Variants in CDH12 observed in about 807,000 individuals in gnomAD.
CDH12 encodes cadherin 12, also known as cadherin-12.
Under a neutral mutation model 74.1 loss-of-function variants are expected in CDH12, and 41 were observed. That is an observed-to-expected ratio of 0.55 (90% confidence interval 0.43 to 0.72). The LOEUF (loss-of-function observed/expected upper bound fraction) is 0.72, where lower values mean the gene tolerates loss of function less well. CDH12 is among the 30% of genes least tolerant of loss of function. The pLI, the probability that CDH12 is intolerant of heterozygous loss-of-function variation, is 0.00. For missense variants in CDH12, 945 were observed against 977.2 expected, an observed-to-expected ratio of 0.97 and a Z score of 0.44; for synonymous variants, 399 against 355.0, an observed-to-expected ratio of 1.12 and a Z score of -1.39.
intron 5 of CDH12, among the ~76,000 whole-genome samples, chr5:22,060,501 A>G (rs1165770980): frequency 6.6e-6 from 1 of 152,152 alleles, no homozygotes; most frequent in Non-Finnish European, 1.5e-5. Flanking sequence ...AATTAATTAA[A>G]TAAAAACAAT....
At chr5:22,069,855 C>G (rs2150215311) in intron 5 of CDH12, among the ~76,000 whole-genome samples, 1 of 152,242 alleles carries the variant, frequency 6.6e-6, no homozygotes, top group South Asian at 2.1e-4. Context: ...TACAACAAAC[C>G]AATCTAGGCA....
intron 6 of CDH12, among the ~76,000 whole-genome samples, chr5:21,933,805 T>A (rs1026515762): frequency 1.3e-5 from 2 of 151,774 alleles, no homozygotes; most frequent in African/African-American, 4.8e-5. Context: ...AAAGAGGAGG[T>A]GGAGGAGAAG....
intron 6 of CDH12, among the ~76,000 whole-genome samples, chr5:21,909,056 C>A (rs1753757549): frequency 2.0e-5 from 3 of 151,948 alleles, no homozygotes; most frequent in Admixed American, 6.6e-5. Context: ...ACAAATAAAC[C>A]AAACAAAAAC....
chr5:21,868,760 G>A (rs1277388692), intron 6 of CDH12, among the ~76,000 whole-genome samples: 2 of 152,108 alleles, frequency 1.3e-5, no homozygotes, highest in Admixed American at 6.5e-5. Flanking sequence ...AATGGATCAC[G>A]GTTTGAATCT....
chr5:21,763,121 A>T (rs1419282949), intron 12 of CDH12, among the ~76,000 whole-genome samples: 1 of 152,172 alleles, frequency 6.6e-6, no homozygotes, highest in African/African-American at 2.4e-5. Flanking sequence ...ATCCAAAATT[A>T]ACGATGCAGA....
intron 1 of CDH12, among the ~76,000 whole-genome samples, chr5:22,728,591 G>A (rs1216453350): frequency 6.6e-6 from 1 of 151,818 alleles, no homozygotes; most frequent in African/African-American, 2.4e-5. Flanking sequence ...CTGGCCATCT[G>A]GGAAACCTTT....
intron 5 of CDH12, among the ~76,000 whole-genome samples, chr5:22,069,591 C>G (rs1465014350): frequency 1.3e-5 from 2 of 152,124 alleles, no homozygotes; most frequent in Non-Finnish European, 2.9e-5. Context: ...ATGTTTCCAC[C>G]AGGACACAAA....
chr5:21,833,948 C>G (rs1187930183), intron 8 of CDH12, among the ~76,000 whole-genome samples: 1 of 151,860 alleles, frequency 6.6e-6, no homozygotes, highest in African/African-American at 2.4e-5. Flanking sequence ...TTTATTGAAG[C>G]AGACAAAGGA....
chr5:22,486,910 C>T (rs551390176), intron 2 of CDH12, among the ~76,000 whole-genome samples: 21 of 152,270 alleles, frequency 1.4e-4, no homozygotes, highest in African/African-American at 5.1e-4. Flanking sequence ...CCTGGAAGTT[C>T]ATTGAGGTCA....
chr5:22,163,935 T>A (rs1472266854), intron 4 of CDH12, among the ~76,000 whole-genome samples: 2 of 152,160 alleles, frequency 1.3e-5, no homozygotes, highest in Non-Finnish European at 2.9e-5. Flanking sequence ...CCATTTAGAT[T>A]ATAGAACATC....
chr5:22,144,294 A>T (rs1269984403), intron 4 of CDH12: 4 of 152,308 alleles, frequency 2.6e-5, no homozygotes, highest in South Asian at 2.1e-4. Context: ...TATTGGTTAC[A>T]GTTTAAAATA....
intron 6 of CDH12, among the ~76,000 whole-genome samples, chr5:21,925,433 T>C (rs1251767223): frequency 1.3e-5 from 2 of 152,206 alleles, no homozygotes; most frequent in Admixed American, 1.3e-4. Context: ...GTCTATCCTA[T>C]TGACTCTTGT....
At chr5:22,487,280 G>A (rs1172154387) in intron 2 of CDH12, among the ~76,000 whole-genome samples, 1 of 152,086 alleles carries the variant, frequency 6.6e-6, no homozygotes, top group Non-Finnish European at 1.5e-5. Flanking sequence ...GGGATTACAG[G>A]CATGAGCCAC....
At chr5:21,857,120 G>C (rs1395800616) in intron 6 of CDH12, among the ~76,000 whole-genome samples, 1 of 151,726 alleles carries the variant, frequency 6.6e-6, no homozygotes, top group Non-Finnish European at 1.5e-5. Flanking sequence ...AATCTCCGAG[G>C]ACTACCTTTT....
intron 1 of CDH12, among the ~76,000 whole-genome samples, chr5:22,681,226 G>GTGTGT (rs1741468326): frequency 2.6e-5 from 1 of 38,292 alleles, no homozygotes; most frequent in African/African-American, 1.3e-4. Context: ...TGGGTATTGG[G>GTGTGT]GGGTGTGTGT....
chr5:22,169,727 A>C (rs554743542), intron 4 of CDH12, among the ~76,000 whole-genome samples: 5 of 152,106 alleles, frequency 3.3e-5, no homozygotes, highest in African/African-American at 1.2e-4. Context: ...CACAAAGCTA[A>C]TTGATACATA....
intron 9 of CDH12, among the ~76,000 whole-genome samples, chr5:21,806,593 T>C (rs1747438416): frequency 6.6e-6 from 1 of 152,184 alleles, no homozygotes; most frequent in Non-Finnish European, 1.5e-5. Context: ...AAATTGGGTC[T>C]TCATTCTGAA....
intron 6 of CDH12, among the ~76,000 whole-genome samples, chr5:21,874,029 A>G (rs1751794989): frequency 6.6e-6 from 1 of 152,096 alleles, no homozygotes. Flanking sequence ...GGTTGATTTC[A>G]TGTCTTTGCT....
At chr5:21,883,251 T>C (rs878872774) in intron 6 of CDH12, 8 of 1,349,346 alleles carry the variant, frequency 5.9e-6, no homozygotes, top group African/African-American at 2.9e-5. Flanking sequence ...GAAGTTTGAT[T>C]GAGGGTATAT....
Sources: allele counts gnomAD v4.1 joint callset (sites outside exome capture counted in the v4.1 genomes callset), GRCh38; gene constraint gnomAD v4.1.1; transcripts MANE v1.5; gene names NCBI Gene and HGNC (gene_info 2026-07-23, HGNC 2026-07-21).